Variants in MEGF11 observed in about 807,000 individuals in gnomAD.
MEGF11 encodes the protein multiple epidermal growth factor-like domains protein 11.
A neutral mutation model predicts 146.6 loss-of-function variants in MEGF11; 126 were observed. The observed-to-expected ratio is 0.86, with a 90% CI of 0.74 to 1.00. MEGF11 has a LOEUF of 1.00. Ranked by LOEUF, MEGF11 falls within the 50% of genes least tolerant of loss-of-function variation. MEGF11 has a pLI of 0.00. For synonymous variants in MEGF11, 532 were observed against 583.4 expected, an observed-to-expected ratio of 0.91 and a Z score of 1.27; for missense variants, 1,509 against 1,521.2, an observed-to-expected ratio of 0.99 and a Z score of 0.13.
At chr15:65,919,265 A>G (rs2079099188) in intron 15 of MEGF11, among the ~76,000 whole-genome samples, 2 of 152,230 alleles carry the variant, frequency 1.3e-5, no homozygotes, top group East Asian at 1.9e-4. Context: ...ATTTAGGTCT[A>G]AGTTTTCTTT....
chr15:66,135,150 A>G (rs1364044076), intron 1 of MEGF11, among the ~76,000 whole-genome samples: 1 of 151,296 alleles, frequency 6.6e-6, no homozygotes, highest in Non-Finnish European at 1.5e-5. Flanking sequence ...TGGCACATAG[A>G]TGGTACCCAA....
At chr15:66,203,736 C>A (rs1290439309) in intron 1 of MEGF11, among the ~76,000 whole-genome samples, 3 of 152,200 alleles carry the variant, frequency 2.0e-5, no homozygotes, top group Non-Finnish European at 1.5e-5. Context: ...AGGGACCAAA[C>A]AACCAATGCA....
intron 10 of MEGF11, among the ~76,000 whole-genome samples, chr15:65,946,909 G>GC (rs2080215133): frequency 6.6e-6 from 1 of 152,126 alleles, no homozygotes. Context: ...CGACACCTGT[G>GC]CCTCATGGCC....
intron 5 of MEGF11, among the ~76,000 whole-genome samples, chr15:66,000,075 C>T (rs1053932873): frequency 1.3e-5 from 2 of 152,170 alleles, no homozygotes; most frequent in African/African-American, 2.4e-5. Context: ...GTCAAGGGCA[C>T]GGAAGCCAGG....
At chr15:66,207,807 G>A (rs1597152104) in intron 1 of MEGF11, among the ~76,000 whole-genome samples, 1 of 152,218 alleles carries the variant, frequency 6.6e-6, no homozygotes, top group South Asian at 2.1e-4. Context: ...GAGAGGCCGG[G>A]AATGGTGGCT....
Position 66,033,078 on chromosome 15 carries a change from C to CAAAAAAAAAA in MEGF11, c.395-50600_395-50591dup, listed in dbSNP as rs60932678. ...CCTGGGTGACAGAGTGAGACTCCAT[C>CAAAAAAAAAA]AAAAAAAAAAAAAAAAAAAAAAAAA... On this transcript the variant is annotated intron_variant, in intron 5 of 25. Transcript: ENST00000395614. 2.7e-3 allele frequency among the ~76,000 whole-genome samples: 220 copies of CAAAAAAAAAA among 80,604 alleles called. 11 individuals carry two copies. The highest frequency in any genetic ancestry group is 0.01 in the African/African-American group (189 of 18,670). 52.9% of individuals were successfully genotyped at this position (80,604 alleles called of 152,430 possible).
At chr15:65,960,600 G>A (rs2141520570) in intron 9 of MEGF11, among the ~76,000 whole-genome samples, 1 of 152,352 alleles carries the variant, frequency 6.6e-6, no homozygotes, top group East Asian at 1.9e-4. Flanking sequence ...CTTGAACCTA[G>A]GAATGACCTG....
intron 4 of MEGF11, 137 bp from the exon 5 acceptor site, chr15:66,094,631 GA>G (rs774425922): frequency 6.5e-5 from 44 of 674,206 alleles, no homozygotes; most frequent in Non-Finnish European, 9.5e-5. Context: ...GCTTGGGGGG[GA>G]AAATCAAGCT....
intron 10 of MEGF11, among the ~76,000 whole-genome samples, chr15:65,951,836 A>AG (rs1426287019): frequency 4.6e-5 from 7 of 152,004 alleles, no homozygotes; most frequent in Middle Eastern, 3.4e-3. Flanking sequence ...CCATCTCTAC[A>AG]AATTTTTTTT....
At chr15:66,121,107 C>CA (rs1294424368) in intron 3 of MEGF11, among the ~76,000 whole-genome samples, 1 of 152,146 alleles carries the variant, frequency 6.6e-6, no homozygotes, top group East Asian at 1.9e-4. Context: ...AATAATTTAG[C>CA]AAAATAATTC....
At chr15:66,117,837 G>A (rs960334895) in intron 4 of MEGF11, among the ~76,000 whole-genome samples, 24 of 152,148 alleles carry the variant, frequency 1.6e-4, no homozygotes, top group African/African-American at 5.6e-4. Context: ...CGGCCTTTTA[G>A]GTGAACTGCT....
intron 7 of MEGF11, among the ~76,000 whole-genome samples, chr15:65,974,037 G>A (rs932122316): frequency 6.6e-6 from 1 of 152,194 alleles, no homozygotes; most frequent in Non-Finnish European, 1.5e-5. Context: ...ATACCCGACA[G>A]TCATTTCTCT....
chr15:66,101,880 G>T (rs1000112955), intron 4 of MEGF11, among the ~76,000 whole-genome samples: 3 of 152,188 alleles, frequency 2.0e-5, no homozygotes, highest in Non-Finnish European at 4.4e-5. Flanking sequence ...GGCCTCCCCA[G>T]TCTGAAGCCC....
chr15:66,224,824 G>T (rs901000267), intron 1 of MEGF11, among the ~76,000 whole-genome samples: 3 of 151,140 alleles, frequency 2.0e-5, no homozygotes, highest in African/African-American at 7.3e-5. Context: ...TTCCCCAGAT[G>T]GGGGAGTGAA....
At chr15:66,071,414 C>G (rs1026827336) in intron 5 of MEGF11, among the ~76,000 whole-genome samples, 1 of 152,246 alleles carries the variant, frequency 6.6e-6, no homozygotes, top group Non-Finnish European at 1.5e-5. Context: ...TTCTCTGCAA[C>G]CCTTGGCTGT....
intron 1 of MEGF11, among the ~76,000 whole-genome samples, chr15:66,157,813 G>A (rs1385366223): frequency 6.6e-6 from 1 of 152,214 alleles, no homozygotes; most frequent in Non-Finnish European, 1.5e-5. Context: ...GAAATCTACA[G>A]GAGCACAGCT....
intron 10 of MEGF11, among the ~76,000 whole-genome samples, chr15:65,956,604 T>G (rs1267551890): frequency 6.6e-6 from 1 of 152,210 alleles, no homozygotes; most frequent in Non-Finnish European, 1.5e-5. Context: ...TACAGCACAA[T>G]TAAACATGGC....
intron 5 of MEGF11, 90 bp downstream of exon 5, chr15:66,094,312 A>C: frequency 8.8e-7 from 1 of 1,137,844 alleles, no homozygotes; most frequent in Non-Finnish European, 1.3e-6. Flanking sequence ...GCCCCAGCAC[A>C]ACACAAAAAT....
intron 4 of MEGF11, among the ~76,000 whole-genome samples, chr15:66,118,693 C>T (rs555369699): frequency 6.6e-6 from 1 of 152,266 alleles, no homozygotes; most frequent in Non-Finnish European, 1.5e-5. Context: ...ATCTACATAC[C>T]CATCCATCTC....
Sources: allele counts gnomAD v4.1 joint callset (sites outside exome capture counted in the v4.1 genomes callset), GRCh38; gene constraint gnomAD v4.1.1; transcripts MANE v1.5; gene names NCBI Gene and HGNC (gene_info 2026-07-23, HGNC 2026-07-21).